The following SNX18 variants were observed in gnomAD, a reference collection of about 807,000 sequenced individuals.
SNX18 encodes sorting nexin-18.
A neutral mutation model predicts 48.7 loss-of-function variants in SNX18; 35 were observed. The ratio of observed to expected loss-of-function variants is 0.72; its 90% confidence interval spans 0.55 to 0.95. The LOEUF (loss-of-function observed/expected upper bound fraction) is 0.95. SNX18 is among the 40% of genes least tolerant of loss of function. The probability of loss-of-function intolerance (pLI) is 0.00; values close to 1 mark genes in which losing one functional copy is unlikely to be tolerated. For synonymous variants in SNX18, 492 were observed against 384.7 expected (o/e 1.28, Z -3.26); for missense variants, 824 against 871.0 (o/e 0.95, Z 0.68).
chr5:54,634,750 TA>T, the SNX18 span, among the ~76,000 whole-genome samples: 6 of 151,144 alleles, frequency 4.0e-5, no homozygotes, highest in African/African-American at 7.3e-5. Context: ...CATCCCAAAT[TA>T]AAAAAAAATT....
At chr5:54,565,640 C>A in the SNX18 span, among the ~76,000 whole-genome samples, 9 of 151,980 alleles carry the variant, frequency 5.9e-5, no homozygotes, top group Admixed American at 5.9e-4. Context: ...CTGCAATCTA[C>A]TTTTTAAAAA....
the SNX18 span, among the ~76,000 whole-genome samples, chr5:54,596,662 C>G: frequency 6.6e-6 from 1 of 152,222 alleles, no homozygotes; most frequent in African/African-American, 2.4e-5. Flanking sequence ...CAGCCACCAA[C>G]TGGCTGTTCT....
chr5:54,579,760 G>A, the SNX18 span, among the ~76,000 whole-genome samples: 5 of 152,196 alleles, frequency 3.3e-5, no homozygotes, highest in African/African-American at 7.2e-5. Context: ...AATTTTAGAA[G>A]GTTCCCAAGA....
At chr5:54,624,237 T>C in the SNX18 span, among the ~76,000 whole-genome samples, 1 of 152,202 alleles carries the variant, frequency 6.6e-6, no homozygotes, top group Admixed American at 6.5e-5. Context: ...GTATTCTCAA[T>C]GGTGCTTAGT....
In SNX18 at chr5:54,543,604, G is replaced by C; in HGVS notation, c.*172G>C. On this transcript the variant is annotated 3_prime_UTR_variant, in exon 2 of 2. Transcript: ENST00000381410. ...TATGTAGGAAATAAACAGTTAATAT[G>C]GTTATATAATAGAAACAGTACCACA... 1.4e-6 allele frequency: 1 copy of C among 696,798 alleles called. No homozygotes were observed. 43.2% of individuals were successfully genotyped at this position (696,798 alleles called of 1,614,324 possible).
the SNX18 span, among the ~76,000 whole-genome samples, chr5:54,588,303 A>ATTTTTTT: frequency 1.0e-5 from 1 of 100,392 alleles, no homozygotes; most frequent in African/African-American, 3.6e-5. Context: ...TGTTATTTCT[A>ATTTTTTT]TTCTTTTTTT....
intron 1 of SNX18, among the ~76,000 whole-genome samples, chr5:54,534,888 A>G (rs1472988169): frequency 6.6e-6 from 1 of 152,188 alleles, no homozygotes; most frequent in Non-Finnish European, 1.5e-5. Flanking sequence ...CTACTCTCAT[A>G]CTGTCATTCT....
At chr5:54,541,027 T>TTCTC (rs972187040) in intron 1 of SNX18, among the ~76,000 whole-genome samples, 1 of 152,126 alleles carries the variant, frequency 6.6e-6, no homozygotes, top group Non-Finnish European at 1.5e-5. Context: ...TTTCTTTTTT[T>TTCTC]TCTCTCTCTC....
chr5:54,535,525 A>G (rs563175379), intron 1 of SNX18, among the ~76,000 whole-genome samples: 10 of 152,284 alleles, frequency 6.6e-5, no homozygotes, highest in African/African-American at 2.4e-4. Flanking sequence ...CTTTTCAACA[A>G]TGTAGTAGGG....
the SNX18 span, among the ~76,000 whole-genome samples, chr5:54,577,523 T>A: frequency 6.6e-6 from 1 of 151,972 alleles, no homozygotes; most frequent in African/African-American, 2.4e-5. Flanking sequence ...GAGGAGAAAA[T>A]TGAAGCCCAG....
chr5:54,540,833 G>A (rs1399215063), intron 1 of SNX18, among the ~76,000 whole-genome samples: 1 of 72,978 alleles, frequency 1.4e-5, no homozygotes, highest in Non-Finnish European at 3.1e-5. Context: ...TTTGAACATG[G>A]GACTGGCTTC....
At chr5:54,531,760 A>G (rs531458667) in intron 1 of SNX18, among the ~76,000 whole-genome samples, 1 of 152,266 alleles carries the variant, frequency 6.6e-6, no homozygotes, top group South Asian at 2.1e-4. Flanking sequence ...TACATTTAAA[A>G]CAGCTGAGTT....
At chr5:54,559,961 C>T in the SNX18 span, among the ~76,000 whole-genome samples, 1 of 152,132 alleles carries the variant, frequency 6.6e-6, no homozygotes, top group Non-Finnish European at 1.5e-5. Flanking sequence ...AAAAAAAGCT[C>T]ATCATCACTG....
At chr5:54,590,752 A>G in the SNX18 span, among the ~76,000 whole-genome samples, 3 of 152,184 alleles carry the variant, frequency 2.0e-5, no homozygotes, top group African/African-American at 4.8e-5. Context: ...TTTCTCAGAC[A>G]GTCCCCTGCT....
At chr5:54,538,867 A>C in intron 1 of SNX18, among the ~76,000 whole-genome samples, 1 of 152,138 alleles carries the variant, frequency 6.6e-6, no homozygotes, top group East Asian at 1.9e-4. Flanking sequence ...ATTTAGTTAC[A>C]TTTCAGTTAA....
the SNX18 span, among the ~76,000 whole-genome samples, chr5:54,630,293 T>C: frequency 6.6e-6 from 1 of 152,210 alleles, no homozygotes; most frequent in Non-Finnish European, 1.5e-5. Context: ...GGCTTTGGGT[T>C]TGGGAGAGAA....
the SNX18 span, among the ~76,000 whole-genome samples, chr5:54,599,722 AC>A: frequency 8.5e-5 from 13 of 152,192 alleles, no homozygotes; most frequent in Admixed American, 7.9e-4. Context: ...CTTGACAAAA[AC>A]AAGCAATGGG....
intron 1 of SNX18, among the ~76,000 whole-genome samples, chr5:54,542,874 G>A (rs1297125366): frequency 6.6e-6 from 1 of 152,118 alleles, no homozygotes; most frequent in Non-Finnish European, 1.5e-5. Context: ...ACATTTCCTT[G>A]CAGTTTATTA....
the SNX18 span, among the ~76,000 whole-genome samples, chr5:54,586,109 G>A: frequency 0.17 from 26,316 of 152,174 alleles, 2,450 homozygotes; most frequent in East Asian, 0.29. Context: ...AAAGAAGGTG[G>A]GTTTTTCCTA....
Sources: allele counts gnomAD v4.1 joint callset (sites outside exome capture counted in the v4.1 genomes callset), GRCh38; gene constraint gnomAD v4.1.1; transcripts MANE v1.5; gene names NCBI Gene and HGNC (gene_info 2026-07-23, HGNC 2026-07-21).